The following THAP4 variants were observed in gnomAD, a reference collection of about 807,000 sequenced individuals.
THAP4 encodes THAP domain containing 4.
In THAP4, 18 loss-of-function variants were observed where a neutral mutation model predicts 48.1. That is an observed-to-expected ratio of 0.37 (90% CI 0.26 to 0.56). The LOEUF is 0.56. Ranked by LOEUF, THAP4 falls within the 20% of genes least tolerant of loss-of-function variation. The pLI is 0.78. For missense variants in THAP4, 656 were observed against 774.9 expected (o/e 0.85, Z 1.82); for synonymous variants, 345 against 324.9 (o/e 1.06, Z -0.66).
At chr2:241,611,177 C>A (rs878899539) in intron 2 of THAP4, among the ~76,000 whole-genome samples, 1 of 152,156 alleles carries the variant, frequency 6.6e-6, no homozygotes, top group Admixed American at 6.5e-5. Context: ...GGGGTGGCCC[C>A]TGAGAAGCCT....
At position 241,636,952 on chromosome 2, in the gene THAP4, G is replaced by A. The variant is rs766011147; in HGVS notation, c.66C>T (p.Val22=). ...CGGGGCCCGCGTACCTGTGGAAGGAGACGGCGCGCTTCTCGCCCTTTCCCT... is the reference window on the plus strand; with the variant it reads ...CGGGGCCCGCGTACCTGTGGAAGGAAACGGCGCGCTTCTCGCCCTTTCCCT... The part of the protein sequence containing the change: ...NRQGKGEKRA[V]SFHRFPLKDS... Residue 22 remains valine, a synonymous_variant, in exon 1 of 6, where the codon GTC becomes GTT. Transcript: ENST00000407315. 1.8e-5 allele frequency: 24 copies of A among 1,301,708 alleles called. No homozygotes were observed. The highest frequency in any genetic ancestry group is 2.4e-4 in the Middle Eastern group (1 of 4,118). The allele number at this position is 1,301,708 out of a possible 1,614,324, so 80.6% of individuals were successfully genotyped here. A position where few individuals can be genotyped will look rare whatever the true frequency, so the allele number is the denominator to read the frequency against.
intron 2 of THAP4, among the ~76,000 whole-genome samples, chr2:241,611,824 G>A (rs1575029410): frequency 6.6e-6 from 1 of 152,066 alleles, no homozygotes; most frequent in Non-Finnish European, 1.5e-5. Context: ...CACTGCCTGA[G>A]TTCAGAGATG....
Position 241,601,934 on chromosome 2 carries a change from C to A in THAP4, c.1576G>T (p.Ala526Ser). The A allele has an allele frequency of 1.2e-6, 2 of 1,613,596 alleles. No individual in the cohort carries two copies. The highest frequency in any genetic ancestry group is 1.1e-5 in the South Asian group (1 of 91,048). Residue 526 changes from alanine to serine, a missense_variant, in exon 5 of 6, where the codon GCC becomes TCC. Around this residue, in one of 4 missense-constraint regions of THAP4, gnomAD observed 176 missense variants for 256.7 expected, o/e 0.69. Transcript: ENST00000407315. The surrounding 1 kb of genome is among the most constrained non-coding windows in gnomAD (Gnocchi z 4.0). Reference sequence around the variant, plus strand: ...GGCTCCTTGGCGAAGGAGATCCTGGCGATGGAGTGGGATGCGATGCACAGC... The same window carrying A: ...GGCTCCTTGGCGAAGGAGATCCTGGAGATGGAGTGGGATGCGATGCACAGC... The part of the protein sequence containing the change: ...QELCIASHSI[A>S]RISFAKEPHV...
intron 4 of THAP4, 143 bp from the exon 5 acceptor site, chr2:241,602,142 C>T (rs2067122573): frequency 2.7e-6 from 2 of 738,706 alleles, no homozygotes; most frequent in East Asian, 2.7e-5. Context: ...TCCTCCTCCC[C>T]ACTTCACCCT....
At chr2:241,635,253 C>A (rs2067620337) in intron 1 of THAP4, among the ~76,000 whole-genome samples, 1 of 152,108 alleles carries the variant, frequency 6.6e-6, no homozygotes, top group Admixed American at 6.5e-5. Flanking sequence ...CCATTGCACT[C>A]CAGCCTGGGT....
intron 2 of THAP4, among the ~76,000 whole-genome samples, chr2:241,624,072 C>T (rs1445579925): frequency 6.6e-6 from 1 of 152,222 alleles, no homozygotes; most frequent in Non-Finnish European, 1.5e-5. Context: ...CTCTGCCCCA[C>T]CTGGCTACAA....
At chr2:241,586,703 T>C (rs1026470072) in intron 5 of THAP4, among the ~76,000 whole-genome samples, 1 of 151,942 alleles carries the variant, frequency 6.6e-6, no homozygotes, top group Non-Finnish European at 1.5e-5. Context: ...AAAAACATAA[T>C]AACTCAAATT....
chr2:241,593,221 G>A (rs1251755787), intron 5 of THAP4, among the ~76,000 whole-genome samples: 1 of 152,076 alleles, frequency 6.6e-6, no homozygotes, highest in Non-Finnish European at 1.5e-5. Context: ...CTCCAGCCTG[G>A]GCGACAGTGC....
chr2:241,631,479 G>GT (rs2067560416), intron 2 of THAP4, among the ~76,000 whole-genome samples: 1 of 152,174 alleles, frequency 6.6e-6, no homozygotes, highest in South Asian at 2.1e-4. Flanking sequence ...AGGAAATTTT[G>GT]TTTTTTGAGA....
rs2067600710 is a variant in THAP4, at chr2:241,633,730, T to C, written c.427A>G (p.Arg143Gly). The change falls in exon 2 of 6, where the codon AGG (arginine) becomes GGG (glycine). Residue 143 changes from arginine (R) to glycine (G), a missense_variant. Physicochemically the swap from Arg to Gly is moderately radical, Grantham distance 125. Coordinates refer to ENST00000407315, the MANE Select transcript of THAP4 (RefSeq NM_015963.6). This position sits in a 1 kb window ranked among gnomAD's most constrained non-coding sequence, Gnocchi z 7.5. ...CCTTGCAGAGCAGCTTGCTTCAACC[T>C]GCGGGACTCTGGCTTGGCCATCGGG... ...GNPMAKPESR[R>G]LKQAALQGEA... 4.3e-6 allele frequency: 7 copies of C among 1,611,570 alleles called. No homozygotes were observed. The highest frequency in any genetic ancestry group is 5.1e-6 in the Non-Finnish European group (6 of 1,178,596).
Position 241,610,839 on chromosome 2 carries a change from CAG to C in THAP4, c.1241-4368_1241-4367del, listed in dbSNP as rs926025527. Among the ~76,000 whole-genome samples, 911 of 151,928 alleles carry C rather than the reference CAG, an allele frequency of 6.0e-3. 11 individuals are homozygous for C. The highest frequency in any genetic ancestry group is 0.02 in the African/African-American group (840 of 41,426). On this transcript the variant is annotated intron_variant, in intron 2 of 5. Transcript: ENST00000407315. The surrounding 1 kb of genome is among the most constrained non-coding windows in gnomAD (Gnocchi z 4.2). ...CGGGACGGGGACAGAGACACAGAGA[CAG>C]AGAGACAGGGCCAGAGAGACACGGG...
intron 2 of THAP4, among the ~76,000 whole-genome samples, chr2:241,629,354 C>A (rs1309176469): frequency 1.3e-5 from 2 of 151,656 alleles, no homozygotes; most frequent in Non-Finnish European, 2.9e-5. Context: ...GCCTGTAGTC[C>A]CAGCTACTCG....
chr2:241,623,943 C>A (rs1559232513), intron 2 of THAP4, among the ~76,000 whole-genome samples: 1 of 152,218 alleles, frequency 6.6e-6, no homozygotes, highest in Admixed American at 6.5e-5. Context: ...TCCTGCACGT[C>A]AATTCAGTTC....
intron 5 of THAP4, among the ~76,000 whole-genome samples, chr2:241,588,982 A>G (rs182082255): frequency 1.6e-4 from 24 of 152,282 alleles, no homozygotes; most frequent in Admixed American, 1.1e-3. Flanking sequence ...TGGGAGACCA[A>G]CGAGGGTGGA....
chr2:241,588,052 G>A (rs1462747032), intron 5 of THAP4, among the ~76,000 whole-genome samples: 2 of 150,910 alleles, frequency 1.3e-5, no homozygotes, highest in South Asian at 2.1e-4. Flanking sequence ...AGGGAGGGAG[G>A]GAAGGAAAAG....
chr2:241,614,773 C>T (rs887748619), intron 2 of THAP4, among the ~76,000 whole-genome samples: 1 of 152,096 alleles, frequency 6.6e-6, no homozygotes, highest in African/African-American at 2.4e-5. Flanking sequence ...CCTGTAATCT[C>T]AGCTACTCGG....
intron 5 of THAP4, among the ~76,000 whole-genome samples, chr2:241,599,206 C>G (rs564531974): frequency 1.3e-5 from 2 of 150,832 alleles, no homozygotes; most frequent in Admixed American, 6.6e-5. Flanking sequence ...GAGCTGAGAT[C>G]GTGCCACTGC....
upstream of THAP4, chr2:241,637,429 C>T (rs1001008228): frequency 6.8e-7 from 1 of 1,465,250 alleles, no homozygotes; most frequent in African/African-American, 1.5e-5. Context: ...CCTGGGTCCT[C>T]TAAGAGGAGG....
At chr2:241,586,935 A>G (rs943306414) in intron 5 of THAP4, among the ~76,000 whole-genome samples, 1 of 152,234 alleles carries the variant, frequency 6.6e-6, no homozygotes, top group Non-Finnish European at 1.5e-5. Context: ...CAATATTTGA[A>G]AAGATCATGG....
Sources: gnomAD v4.1 joint callset for allele counts (sites outside exome capture counted in the v4.1 genomes callset) on GRCh38, gnomAD v4.1.1 for gene constraint, gnomAD v4.1.1 regional missense constraint, Gnocchi (gnomAD v3.1) non-coding constraint, MANE v1.5 for transcripts, NCBI Gene and HGNC (gene_info 2026-07-23, HGNC 2026-07-21) for gene names.